DCAF12: variants seen among roughly 807,000 people sequenced by gnomAD.
DCAF12 encodes the protein DDB1 and CUL4 associated factor 12.
Under a neutral mutation model 52.8 loss-of-function variants are expected in DCAF12, and 28 were observed. The ratio of observed to expected loss-of-function variants is 0.53; its 90% CI spans 0.39 to 0.73. The LOEUF (loss-of-function observed/expected upper bound fraction) is 0.73. Among genes scored for constraint, DCAF12 ranks in the 30% least tolerant of loss-of-function variants. The probability of loss-of-function intolerance (pLI) is 0.00; values close to 1 mark genes in which losing one functional copy is unlikely to be tolerated. For missense variants in DCAF12, 425 were observed against 552.2 expected, an observed-to-expected ratio of 0.77 and a Z score of 2.31; for synonymous variants, 196 against 215.5, an observed-to-expected ratio of 0.91 and a Z score of 0.79.
At chr9:34,119,138 G>A (rs968582604) in intron 2 of DCAF12, among the ~76,000 whole-genome samples, 3 of 152,166 alleles carry the variant, frequency 2.0e-5, no homozygotes, top group Admixed American at 1.3e-4. Flanking sequence ...GTGTGACTAA[G>A]AGGAGCAACT....
chr9:34,116,894 G>T (rs907666663), intron 2 of DCAF12, among the ~76,000 whole-genome samples: 4 of 152,146 alleles, frequency 2.6e-5, no homozygotes, highest in Non-Finnish European at 5.9e-5. Flanking sequence ...CAGAAGAATC[G>T]CTTGAACCCA....
intron 4 of DCAF12, among the ~76,000 whole-genome samples, chr9:34,103,464 C>T (rs1828861003): frequency 6.6e-6 from 1 of 151,858 alleles, no homozygotes; most frequent in South Asian, 2.1e-4. Flanking sequence ...AGAAACAATC[C>T]ACTATCACAA....
chr9:34,100,257 G>A (rs1259953878), intron 4 of DCAF12, among the ~76,000 whole-genome samples: 1 of 146,036 alleles, frequency 6.8e-6, no homozygotes, highest in Non-Finnish European at 1.5e-5. Flanking sequence ...GGAGTGCAGT[G>A]GTGCGATCTT....
intron 2 of DCAF12, among the ~76,000 whole-genome samples, chr9:34,118,922 G>A (rs1050533446): frequency 2.6e-5 from 4 of 152,116 alleles, no homozygotes; most frequent in South Asian, 4.1e-4. Flanking sequence ...CCAAGATTGC[G>A]CCAGTGCACT....
intron 2 of DCAF12, among the ~76,000 whole-genome samples, chr9:34,116,486 CAAAGTG>C (rs1032856234): frequency 1.4e-4 from 21 of 151,720 alleles, no homozygotes; most frequent in African/African-American, 4.4e-4. Flanking sequence ...GCCTGGCCAA[CAAAGTG>C]AATGAAACCC....
chr9:34,107,293 A>G (rs1828918571), intron 3 of DCAF12, 66 bp downstream of exon 3: 3 of 1,472,448 alleles, frequency 2.0e-6, no homozygotes, highest in Non-Finnish European at 2.8e-6. Flanking sequence ...AGGAGGGTCC[A>G]TGTTAATCAC....
chr9:34,099,196 T>C (rs1161169011), intron 4 of DCAF12, among the ~76,000 whole-genome samples: 1 of 150,708 alleles, frequency 6.6e-6, no homozygotes, highest in Non-Finnish European at 1.5e-5. Flanking sequence ...GCCTCCCAAG[T>C]AGCTGAGATC....
intron 2 of DCAF12, among the ~76,000 whole-genome samples, chr9:34,121,331 T>C (rs1427333635): frequency 6.6e-6 from 1 of 152,128 alleles, no homozygotes; most frequent in African/African-American, 2.4e-5. Flanking sequence ...CGTGACAGTA[T>C]CCATCTGGAG....
chr9:34,102,749 T>C lies in DCAF12; in HGVS notation c.601+3685A>G, dbSNP rs192428643. 3.5e-4 allele frequency among the ~76,000 whole-genome samples: 54 copies of C among 152,128 alleles called. 1 individual carries two copies. Among genetic ancestry groups the C allele is most frequent in the Admixed American group, 3.5e-3 (54 of 15,246 alleles). On this transcript the variant is annotated intron_variant, in intron 4 of 8. Transcript: ENST00000361264. ...GTGGCAAGCTAAAATGGTATCTTTC[T>C]AGAGGACAACTGAGCAACCTGCAGC...
At chr9:34,121,657 C>T (rs1829176350) in intron 2 of DCAF12, among the ~76,000 whole-genome samples, 1 of 152,008 alleles carries the variant, frequency 6.6e-6, no homozygotes, top group Non-Finnish European at 1.5e-5. Flanking sequence ...CAAGAGCCCT[C>T]TTTTCGGCCA....
At chr9:34,113,750 A>G (rs1279759110) in intron 2 of DCAF12, among the ~76,000 whole-genome samples, 2 of 152,256 alleles carry the variant, frequency 1.3e-5, no homozygotes, top group African/African-American at 4.8e-5. Context: ...TTACTGCAGC[A>G]TTATTCACAA....
intron 7 of DCAF12, among the ~76,000 whole-genome samples, chr9:34,091,639 CAAAAAAAAA>C (rs34922785): frequency 2.5e-5 from 2 of 80,508 alleles, no homozygotes; most frequent in Non-Finnish European, 4.4e-5. Context: ...ACCCTGTCTT[CAAAAAAAAA>C]AAAAAAAAAA....
intron 2 of DCAF12, among the ~76,000 whole-genome samples, chr9:34,117,742 C>G (rs1393811171): frequency 2.0e-5 from 3 of 152,048 alleles, no homozygotes; most frequent in African/African-American, 7.2e-5. Context: ...TGGAGAAACC[C>G]CATCTCCACT....
chr9:34,125,972 G>C (rs1829243730), intron 1 of DCAF12, among the ~76,000 whole-genome samples: 1 of 152,120 alleles, frequency 6.6e-6, no homozygotes, highest in Admixed American at 6.5e-5. Flanking sequence ...CCTTCTTCCA[G>C]GAGGGACGCA....
rs746939650 is a variant in DCAF12, at chr9:34,125,047, C to T, written c.309G>A (p.Val103=). 2 of 1,613,466 alleles carry T rather than the reference C, an allele frequency of 1.2e-6. No individual in the cohort carries two copies. Among genetic ancestry groups the T allele is most frequent in the Non-Finnish European group, 1.7e-6 (2 of 1,180,026 alleles). ...CCGTGTTGCATTTTGTGCCACACAC[C>T]ACTTGCCTATGATTCAACCACTGAG... ...FASQWLNHRQ[V]VCGTKCNTLF... The change falls in exon 2 of 9, where the codon GTG becomes GTA. Residue 103 remains valine (V), a synonymous_variant. Coordinates refer to ENST00000361264, the MANE Select transcript of DCAF12 (RefSeq NM_015397.4).
intron 4 of DCAF12, among the ~76,000 whole-genome samples, chr9:34,103,104 A>G (rs1298257261): frequency 1.4e-5 from 2 of 146,214 alleles, no homozygotes; most frequent in Non-Finnish European, 3.0e-5. Context: ...CCAAAAAAAA[A>G]AAAAAAAAAA....
chr9:34,120,453 A>G (rs1441908385), intron 2 of DCAF12, among the ~76,000 whole-genome samples: 2 of 150,704 alleles, frequency 1.3e-5, no homozygotes, highest in African/African-American at 4.9e-5. Context: ...GGCAGATTAC[A>G]TGAGGTCAGG....
chr9:34,125,484 A>C (rs1040774542), intron 1 of DCAF12: 23 of 641,184 alleles, frequency 3.6e-5, no homozygotes, highest in Non-Finnish European at 6.2e-5. Flanking sequence ...AAACTTACCA[A>C]TGTGAATTAC....
Position 34,125,185 on chromosome 9 carries a change from T to C in DCAF12, c.171A>G (p.Leu57=), listed in dbSNP as rs766859805. ...VYYLKNREVR[L]QNETSYSRVL... ...CTCGAGAGTAGCTGGTTTCATTCTG[T>C]AGCCTGACTTCCCGGTTCTTCAAGT... Residue 57 remains leucine, a synonymous_variant, in exon 2 of 9, where the codon CTA becomes CTG. Coordinates refer to ENST00000361264, the MANE Select transcript of DCAF12 (RefSeq NM_015397.4). 2.5e-6 allele frequency: 4 copies of C among 1,614,078 alleles called. No homozygotes were observed. Among genetic ancestry groups the C allele is most frequent in the South Asian group, 2.2e-5 (2 of 91,086 alleles).
Sources: allele counts gnomAD v4.1 joint callset (sites outside exome capture counted in the v4.1 genomes callset), GRCh38; gene constraint gnomAD v4.1.1; transcripts MANE v1.5; gene names NCBI Gene and HGNC (gene_info 2026-07-23, HGNC 2026-07-21).